The following RAC1 variants were observed in gnomAD, a reference collection of about 807,000 sequenced individuals.
The protein encoded by RAC1 is ras-related C3 botulinum toxin substrate 1.
A neutral mutation model predicts 25.2 loss-of-function variants in RAC1; 2 were observed. That is an observed-to-expected ratio of 0.08 (90% CI 0.03 to 0.25). The LOEUF (loss-of-function observed/expected upper bound fraction) is 0.25. RAC1 is among the 10% of genes least tolerant of loss of function. RAC1 has a pLI of 1.00. For missense variants in RAC1, 50 were observed against 235.7 expected (o/e 0.21, Z 5.16); for synonymous variants, 88 against 94.0 (o/e 0.94, Z 0.37).
intron 3 of RAC1, among the ~76,000 whole-genome samples, chr7:6,393,513 A>G (rs955993984): frequency 6.6e-6 from 1 of 152,140 alleles, no homozygotes; most frequent in Non-Finnish European, 1.5e-5. Context: ...ACTTGGCAGG[A>G]GTCCCACTTT....
intron 1 of RAC1, among the ~76,000 whole-genome samples, chr7:6,376,574 C>T (rs1437574643): frequency 6.8e-6 from 1 of 146,738 alleles, no homozygotes; most frequent in Admixed American, 6.9e-5. Flanking sequence ...GCGATCTCTG[C>T]TCCTGCAACC....
At chr7:6,386,300 G>C (rs1782921128) in intron 1 of RAC1, among the ~76,000 whole-genome samples, 1 of 152,138 alleles carries the variant, frequency 6.6e-6, no homozygotes, top group Non-Finnish European at 1.5e-5. Flanking sequence ...TTTAAATACA[G>C]CTGAATCAAT....
At chr7:6,396,482 A>C (rs1783237826) in intron 3 of RAC1, among the ~76,000 whole-genome samples, 1 of 152,184 alleles carries the variant, frequency 6.6e-6, no homozygotes, top group Admixed American at 6.5e-5. Context: ...CCGGGTGGAA[A>C]GTGGAACTGC....
At chr7:6,386,106 T>G (rs1782915308) in intron 1 of RAC1, among the ~76,000 whole-genome samples, 1 of 152,242 alleles carries the variant, frequency 6.6e-6, no homozygotes, top group African/African-American at 2.4e-5. Flanking sequence ...AGGATTAGTC[T>G]CTACCCATTG....
At chr7:6,398,116 A>T (rs1783298406) in intron 3 of RAC1, among the ~76,000 whole-genome samples, 1 of 152,200 alleles carries the variant, frequency 6.6e-6, no homozygotes, top group Non-Finnish European at 1.5e-5. Context: ...AGTCTCCCAG[A>T]ACTAGGTGGA....
At chr7:6,398,171 C>T (rs1783300036) in intron 3 of RAC1, among the ~76,000 whole-genome samples, 1 of 151,924 alleles carries the variant, frequency 6.6e-6, no homozygotes, top group Non-Finnish European at 1.5e-5. Context: ...GTTCTGGCAG[C>T]ATTAAAACCC....
chr7:6,381,285 G>T (rs1782757259), intron 1 of RAC1, among the ~76,000 whole-genome samples: 1 of 152,162 alleles, frequency 6.6e-6, no homozygotes, highest in African/African-American at 2.4e-5. Flanking sequence ...TTCTGGAAGG[G>T]TGGATTCAGA....
At chr7:6,376,176 CTTTTTTTTTT>C (rs747387468) in intron 1 of RAC1, among the ~76,000 whole-genome samples, 3 of 65,514 alleles carry the variant, frequency 4.6e-5, no homozygotes, top group Admixed American at 2.6e-4. Context: ...GCTATTCAGG[CTTTTTTTTTT>C]TTTTTTTTTT....
intron 1 of RAC1, among the ~76,000 whole-genome samples, chr7:6,378,327 C>A (rs947520304): frequency 6.6e-6 from 1 of 152,042 alleles, no homozygotes; most frequent in Non-Finnish European, 1.5e-5. Flanking sequence ...AGGCGGATCA[C>A]CTGAGGTCAG....
intron 3 of RAC1, among the ~76,000 whole-genome samples, chr7:6,394,758 G>C (rs1156621124): frequency 6.6e-6 from 1 of 152,128 alleles, no homozygotes; most frequent in African/African-American, 2.4e-5. Flanking sequence ...TTGGCTCACT[G>C]CAACCTCCGC....
At chr7:6,383,553 G>A (rs759424092) in intron 1 of RAC1, among the ~76,000 whole-genome samples, 11 of 152,134 alleles carry the variant, frequency 7.2e-5, no homozygotes, top group Admixed American at 3.9e-4. Flanking sequence ...ATTTCTTCCC[G>A]GTTGAGCCTT....
At chr7:6,387,156 G>GAA in intron 1 of RAC1, 56 bp from the exon 2 acceptor site, 1 of 1,111,934 alleles carries the variant, frequency 9.0e-7, no homozygotes, top group Non-Finnish European at 1.3e-6. Flanking sequence ...ACTTAATAGT[G>GAA]AAAGCTAAGA....
At chr7:6,394,751 G>T (rs1016441469) in intron 3 of RAC1, among the ~76,000 whole-genome samples, 2 of 152,112 alleles carry the variant, frequency 1.3e-5, no homozygotes, top group Admixed American at 1.3e-4. Flanking sequence ...TGTGATCTTG[G>T]CTCACTGCAA....
intron 3 of RAC1, among the ~76,000 whole-genome samples, chr7:6,399,036 G>A (rs144371745): frequency 1.6e-4 from 24 of 152,168 alleles, no homozygotes; most frequent in Non-Finnish European, 3.2e-4. Context: ...GCTGTGAGCC[G>A]AGCCGGAGCA....
intron 1 of RAC1, among the ~76,000 whole-genome samples, chr7:6,381,682 A>C (rs939633897): frequency 6.6e-6 from 1 of 152,184 alleles, no homozygotes; most frequent in Non-Finnish European, 1.5e-5. Context: ...GGCATGAGCC[A>C]CCGTGCCTGG....
At position 6,388,346 on chromosome 7, in the gene RAC1, C is replaced by CTT. The variant is rs71008389; in HGVS notation, c.107+1080_107+1081dup. Among the ~76,000 whole-genome samples, 634 of 121,766 alleles carry CTT rather than the reference C, an allele frequency of 5.2e-3. 7 individuals are homozygous for CTT. Among genetic ancestry groups the CTT allele is most frequent in the African/African-American group, 9.5e-3 (318 of 33,310 alleles). 79.9% of individuals were successfully genotyped at this position (121,766 alleles called of 152,430 possible). A position where few individuals can be genotyped will look rare whatever the true frequency, so the allele number is the denominator to read the frequency against. ...TTTTGTTGTTGTTGTTGTTGTTTTC[C>CTT]TTTTTTTTTTTTTTTTTTGGAGTTA... On this transcript the variant is annotated intron_variant, in intron 2 of 5. Transcript: ENST00000348035.
At chr7:6,401,121 A>G (rs1395329651) in intron 4 of RAC1, among the ~76,000 whole-genome samples, 6 of 151,466 alleles carry the variant, frequency 4.0e-5, no homozygotes, top group African/African-American at 9.7e-5. Flanking sequence ...ACACCTGGCT[A>G]ATTTTTGTAC....
intron 3 of RAC1, chr7:6,398,855 C>G (rs997748301): frequency 1.2e-6 from 1 of 833,108 alleles, no homozygotes; most frequent in East Asian, 2.7e-5. Context: ...TGGGGTTTTG[C>G]TTGATGAAAT....
intron 1 of RAC1, among the ~76,000 whole-genome samples, chr7:6,382,284 C>G (rs836486): frequency 0.14 from 21,454 of 151,936 alleles, 2,872 homozygotes; most frequent in East Asian, 0.56. Context: ...GCCACTGCGC[C>G]TGGCCAAGAT....
Sources: gnomAD v4.1 joint callset for allele counts (sites outside exome capture counted in the v4.1 genomes callset) on GRCh38, gnomAD v4.1.1 for gene constraint, MANE v1.5 for transcripts, NCBI Gene and HGNC (gene_info 2026-07-23, HGNC 2026-07-21) for gene names.